Variants in MAP1B observed in about 807,000 individuals in gnomAD.
MAP1B encodes the protein microtubule associated protein 1B, also known as microtubule-associated protein 1B.
MAP1B carries 12 observed loss-of-function variants against 176.1 expected under a neutral mutation model. The observed-to-expected ratio is 0.07, with a 90% CI of 0.04 to 0.11. MAP1B has a LOEUF of 0.11. Among genes scored for constraint, MAP1B ranks in the 10% least tolerant of loss-of-function variants. The pLI is 1.00. For synonymous variants in MAP1B, 1,044 were observed against 1,135.0 expected, an observed-to-expected ratio of 0.92 and a Z score of 1.61; for missense variants, 2,523 against 2,990.5, an observed-to-expected ratio of 0.84 and a Z score of 3.65.
chr5:72,209,308 A>G lies in MAP1B; in HGVS notation c.*4069A>G, dbSNP rs533033362. Reference sequence around the variant, plus strand: ...AAAGAAGTGGTCTTGAGCCCAGCTGAGAAGCACTTCACACTCCTCTCTCTT... The same window carrying G: ...AAAGAAGTGGTCTTGAGCCCAGCTGGGAAGCACTTCACACTCCTCTCTCTT... On this transcript the variant is annotated 3_prime_UTR_variant, in exon 7 of 7. Coordinates refer to ENST00000296755, the MANE Select transcript of MAP1B (RefSeq NM_005909.5). The G allele has an allele frequency of 6.6e-6, 1 of 152,262 alleles. No individual in the cohort carries two copies. The highest frequency in any genetic ancestry group is 1.9e-4 in the East Asian group (1 of 5,182). 9.4% of individuals were successfully genotyped at this position (152,262 alleles called of 1,614,324 possible). A position where few individuals can be genotyped will look rare whatever the true frequency, so the allele number is the denominator to read the frequency against.
Position 72,144,311 on chromosome 5 carries a change from G to A in MAP1B, c.286+28512G>A, listed in dbSNP as rs570980494. Among the ~76,000 whole-genome samples, 6 of 152,330 alleles carry A rather than the reference G, an allele frequency of 3.9e-5. No individual in the cohort carries two copies. The South Asian group carries it at 1.2e-3, about 32-fold the overall frequency. On this transcript the variant is annotated intron_variant, in intron 2 of 6. Coordinates refer to ENST00000296755, the MANE Select transcript of MAP1B (RefSeq NM_005909.5). ...CCTAAGGAGTCTTCCGTCGTATAAA[G>A]TCTTTGAGCTGTAAGTGCTTTGACT...
rs115559944 is a variant in MAP1B, at chr5:72,185,227, C to T, written c.370-1387C>T. 5.1e-3 allele frequency among the ~76,000 whole-genome samples: 783 copies of T among 152,300 alleles called. 10 individuals are homozygous for T. Among genetic ancestry groups the T allele is most frequent in the African/African-American group, 0.017 (710 of 41,554 alleles). On this transcript the variant is annotated intron_variant, in intron 3 of 6. Coordinates refer to ENST00000296755, the MANE Select transcript of MAP1B (RefSeq NM_005909.5). ...TTGACGGACACTTGAGTTGCTTCCA[C>T]TTTTTGGCTGTTGTGATGTCACCTG...
At chr5:72,166,177 A>G (rs572016686) in intron 2 of MAP1B, among the ~76,000 whole-genome samples, 1 of 152,334 alleles carries the variant, frequency 6.6e-6, no homozygotes, top group East Asian at 1.9e-4. Flanking sequence ...TGTACAAGGT[A>G]TATCCCAGCA....
At position 72,199,349 on chromosome 5, in the gene MAP1B, C is replaced by A; in HGVS notation, c.5994C>A (p.Gly1998=). The A allele has an allele frequency of 6.2e-7, 1 of 1,614,068 alleles. No individual in the cohort carries two copies. The highest frequency in any genetic ancestry group is 8.5e-7 in the Non-Finnish European group (1 of 1,180,010). ...SNGYDDSEDG[G]HTLGDPSYSY... The stretch of plus-strand genomic sequence containing the variant: ...GCTATGATGACTCTGAGGATGGTGG[C>A]CACACACTTGGGGACCCCAGCTACT... The change falls in exon 5 of 7, where the codon GGC becomes GGA. Residue 1998 remains glycine, a synonymous_variant. Transcript: ENST00000296755. This position sits in a 1 kb window ranked among gnomAD's most constrained non-coding sequence, Gnocchi z 4.2.
intron 2 of MAP1B, among the ~76,000 whole-genome samples, chr5:72,160,305 T>C (rs1746304689): frequency 6.6e-6 from 1 of 152,220 alleles, no homozygotes. Context: ...ACATCTTTGA[T>C]CAAGAGCAAT....
At position 72,207,086 on chromosome 5, in the gene MAP1B, A is replaced by G. The variant is rs961315708; in HGVS notation, c.*1847A>G. 3 of 152,246 alleles carry G rather than the reference A, an allele frequency of 2.0e-5. No individual in the cohort carries two copies. The highest frequency in any genetic ancestry group is 4.4e-5 in the Non-Finnish European group (3 of 68,042). The allele number at this position is 152,246 out of a possible 1,614,324, so 9.4% of individuals were successfully genotyped here. A position where few individuals can be genotyped will look rare whatever the true frequency, so the allele number is the denominator to read the frequency against. On this transcript the variant is annotated 3_prime_UTR_variant, in exon 7 of 7. Transcript: ENST00000296755. ...AATGAATTCTCAACTCCTACGGTTC[A>G]TGTAGAGTTTAGAGAAAATTTCCAT...
intron 2 of MAP1B, among the ~76,000 whole-genome samples, chr5:72,181,277 T>C (rs1266190751): frequency 6.6e-6 from 1 of 152,118 alleles, no homozygotes; most frequent in Non-Finnish European, 1.5e-5. Context: ...TTTCAACATG[T>C]TGCTGTTTCT....
chr5:72,163,916 C>CTTTTTTTTTCTTTTTTTTTTTTTTTTTTT (rs1746372386), intron 2 of MAP1B, among the ~76,000 whole-genome samples: 2 of 97,102 alleles, frequency 2.1e-5, no homozygotes, highest in African/African-American at 4.1e-5. Context: ...CTCTCTCTCT[C>CTTTTTTTTTCTTTTTTTTTTTTTTTTTTT]TTTTTTTTTT....
intron 1 of MAP1B, among the ~76,000 whole-genome samples, chr5:72,111,685 C>T (rs993508104): frequency 2.6e-5 from 4 of 152,136 alleles, no homozygotes; most frequent in Admixed American, 6.5e-5. Flanking sequence ...GTATTATCTA[C>T]GACAGCTCTG....
At chr5:72,132,595 A>C (rs189845587) in intron 2 of MAP1B, among the ~76,000 whole-genome samples, 1 of 152,216 alleles carries the variant, frequency 6.6e-6, no homozygotes, top group East Asian at 1.9e-4. Context: ...AAATTCTGCT[A>C]TTGCATTTTG....
intron 2 of MAP1B, among the ~76,000 whole-genome samples, chr5:72,159,246 C>G (rs1392251171): frequency 6.6e-6 from 1 of 152,100 alleles, no homozygotes; most frequent in African/African-American, 2.4e-5. Context: ...TTGGAACTCA[C>G]AGAAGGGTAC....
intron 2 of MAP1B, among the ~76,000 whole-genome samples, chr5:72,166,905 G>A (rs768060562): frequency 6.6e-6 from 1 of 152,198 alleles, no homozygotes. Context: ...GGCAGGACGG[G>A]GCAGTCCAGG....
chr5:72,128,451 A>G (rs542683704), intron 2 of MAP1B, among the ~76,000 whole-genome samples: 25 of 152,094 alleles, frequency 1.6e-4, no homozygotes, highest in African/African-American at 6.0e-4. Flanking sequence ...GAGAAAAAAG[A>G]AAGTGTGAAA....
chr5:72,185,657 C>G (rs992216995), intron 3 of MAP1B, among the ~76,000 whole-genome samples: 3 of 151,252 alleles, frequency 2.0e-5, no homozygotes, highest in African/African-American at 7.3e-5. Flanking sequence ...AGGCAAACTG[C>G]CCGGAAGAGT....
Position 72,196,149 on chromosome 5 carries a change from G to T in MAP1B, c.2794G>T (p.Gly932Cys). The T allele has an allele frequency of 6.2e-7, 1 of 1,613,256 alleles. No individual in the cohort carries two copies. Among genetic ancestry groups the T allele is most frequent in the Non-Finnish European group, 8.5e-7 (1 of 1,179,908 alleles). Residue 932 changes from glycine to cysteine, a missense_variant, in exon 5 of 7, where the codon GGT becomes TGT. Physicochemically the swap from Gly to Cys is radical, Grantham distance 159 (BLOSUM62 -3). This residue lies in a region of MAP1B where 1,925 missense variants were observed against 2,126.0 expected (regional missense o/e 0.91). Coordinates refer to ENST00000296755, the MANE Select transcript of MAP1B (RefSeq NM_005909.5). This position sits in a 1 kb window ranked among gnomAD's most constrained non-coding sequence, Gnocchi z 5.3. Reference sequence around the variant, plus strand: ...TGAAAAATTTGAAGATGAAGGAGCCGGTTTTGAAGAATCTTCAGAGACTGG... The same window carrying T: ...TGAAAAATTTGAAGATGAAGGAGCCTGTTTTGAAGAATCTTCAGAGACTGG... The part of the protein sequence containing the change: ...DIEKFEDEGA[G>C]FEESSETGDY...
rs576056664 is a variant in MAP1B at position 72,208,639 on chromosome 5, G to C, written c.*3400G>C. 1 of 152,212 alleles carries C rather than the reference G, an allele frequency of 6.6e-6. No individual in the cohort carries two copies. Among genetic ancestry groups the C allele is most frequent in the African/African-American group, 2.4e-5 (1 of 41,528 alleles). 9.4% of individuals were successfully genotyped at this position (152,212 alleles called of 1,614,324 possible). On this transcript the variant is annotated 3_prime_UTR_variant, in exon 7 of 7. Coordinates refer to ENST00000296755, the MANE Select transcript of MAP1B (RefSeq NM_005909.5). The stretch of plus-strand genomic sequence containing the variant: ...CTTAACGTTACATATCATAGTGAAT[G>C]GTTTCCCCAGTGTATATGAATGTTT...
In MAP1B at chr5:72,183,807, T is replaced by A. The variant is rs916102338; in HGVS notation, c.351T>A (p.Asp117Glu). 1 of 1,614,124 alleles carries A rather than the reference T, an allele frequency of 6.2e-7. No homozygotes were observed. The highest frequency in any genetic ancestry group is 1.3e-5 in the African/African-American group (1 of 75,058). The change falls in exon 3 of 7, where the codon GAT becomes GAA. Residue 117 changes from aspartate (D) to glutamate (E), a missense_variant. Physicochemically the swap from Asp to Glu is conservative, Grantham distance 45. Around this residue, in one of 4 missense-constraint regions of MAP1B, gnomAD observed 307 missense variants for 438.4 expected, o/e 0.70. Transcript: ENST00000296755. Reference protein sequence around the residue: ...LETVVLINPSDEAVSTEVRLM... With the variant: ...LETVVLINPSEEAVSTEVRLM... ...CAGTGGTCCTGATCAACCCTTCTGA[T>A]GAAGCAGTCAGCACCGAGGTAAGCA...
chr5:72,130,361 T>G (rs1561293660), intron 2 of MAP1B, among the ~76,000 whole-genome samples: 1 of 152,202 alleles, frequency 6.6e-6, no homozygotes, highest in Non-Finnish European at 1.5e-5. Context: ...AGGGAGGCCT[T>G]AGGCTAATTA....
intron 2 of MAP1B, among the ~76,000 whole-genome samples, chr5:72,178,095 C>T (rs1158774666): frequency 3.3e-5 from 5 of 152,146 alleles, no homozygotes; most frequent in South Asian, 2.1e-4. Context: ...CTCTGCCTCC[C>T]GGGTTCAAGT....
Sources: allele counts gnomAD v4.1 joint callset (sites outside exome capture counted in the v4.1 genomes callset), GRCh38; gene constraint gnomAD v4.1.1; regional missense constraint gnomAD v4.1.1; non-coding constraint Gnocchi (gnomAD v3.1); transcripts MANE v1.5; gene names NCBI Gene and HGNC (gene_info 2026-07-23, HGNC 2026-07-21).